Variants in DPP6 observed in about 807,000 individuals in gnomAD.
The protein encoded by DPP6 is dipeptidyl peptidase like 6, also known as A-type potassium channel modulatory protein DPP6.
A neutral mutation model predicts 122.6 loss-of-function variants in DPP6; 69 were observed. The observed-to-expected ratio is 0.56, with a 90% confidence interval of 0.46 to 0.69. The LOEUF is 0.69. DPP6 is among the 30% of genes least tolerant of loss of function. DPP6 has a pLI of 0.00. For missense variants in DPP6, 928 were observed against 1,116.9 expected (o/e 0.83, Z 2.41); for synonymous variants, 418 against 433.1 (o/e 0.97, Z 0.43).
chr7:153,935,051 C>A (rs1156320237), intron 1 of DPP6, among the ~76,000 whole-genome samples: 1 of 152,132 alleles, frequency 6.6e-6, no homozygotes, highest in Non-Finnish European at 1.5e-5. Flanking sequence ...AGGGACCAGC[C>A]CCAGGGATGG....
At chr7:153,818,953 C>T in the DPP6 span, among the ~76,000 whole-genome samples, 2 of 150,752 alleles carry the variant, frequency 1.3e-5, no homozygotes, top group Non-Finnish European at 2.9e-5. Context: ...GGTTTCACCA[C>T]GTTGGCAAGG....
chr7:154,170,062 C>G (rs1439552538), intron 1 of DPP6, among the ~76,000 whole-genome samples: 1 of 152,142 alleles, frequency 6.6e-6, no homozygotes, highest in Non-Finnish European at 1.5e-5. Context: ...AGATATCACA[C>G]CATGAGCTCT....
intron 2 of DPP6, among the ~76,000 whole-genome samples, chr7:154,452,887 G>A (rs1034006154): frequency 5.3e-5 from 8 of 152,106 alleles, no homozygotes; most frequent in African/African-American, 1.9e-4. Context: ...AGTTCCAAAG[G>A]GATTTACCAA....
chr7:154,516,509 A>G (rs1353952491), intron 3 of DPP6, among the ~76,000 whole-genome samples: 3 of 152,178 alleles, frequency 2.0e-5, no homozygotes, highest in Non-Finnish European at 4.4e-5. Context: ...AAAGACATAT[A>G]TTATACACAC....
chr7:154,334,038 GTTATT>G (rs1048529949), intron 1 of DPP6, among the ~76,000 whole-genome samples: 13 of 152,162 alleles, frequency 8.5e-5, no homozygotes, highest in Admixed American at 7.8e-4. Context: ...TTTCAGCTTT[GTTATT>G]TTATTATGTG....
intron 1 of DPP6, among the ~76,000 whole-genome samples, chr7:154,336,121 T>G (rs868360114): frequency 1.3e-5 from 2 of 152,096 alleles, no homozygotes; most frequent in African/African-American, 4.8e-5. Context: ...TTCCTGAGCC[T>G]GCATTCCAGG....
chr7:154,886,960 G>A (rs1433255466), intron 22 of DPP6, among the ~76,000 whole-genome samples: 3 of 152,222 alleles, frequency 2.0e-5, no homozygotes, highest in East Asian at 3.8e-4. Flanking sequence ...TCAGGAATGC[G>A]GGTGCCACCT....
At chr7:154,786,289 G>C (rs1409835451) in intron 10 of DPP6, among the ~76,000 whole-genome samples, 1 of 152,108 alleles carries the variant, frequency 6.6e-6, no homozygotes. Flanking sequence ...AAAGCTAGAG[G>C]GTATAGCTCC....
At chr7:154,507,858 A>G (rs760803399) in intron 3 of DPP6, among the ~76,000 whole-genome samples, 17 of 152,170 alleles carry the variant, frequency 1.1e-4, no homozygotes, top group Non-Finnish European at 1.9e-4. Context: ...AGAATGTTCT[A>G]TGCTTGGGTT....
intron 6 of DPP6, among the ~76,000 whole-genome samples, chr7:154,664,406 A>G (rs923586291): frequency 1.3e-4 from 20 of 152,378 alleles, no homozygotes; most frequent in South Asian, 1.2e-3. Flanking sequence ...ACTGAAAATC[A>G]TAATCTAACA....
At chr7:154,057,237 C>T (rs564820091) in intron 1 of DPP6, among the ~76,000 whole-genome samples, 3,851 of 149,278 alleles carry the variant, frequency 0.026, 200 homozygotes, top group African/African-American at 0.093. Flanking sequence ...AAAAAGCTGA[C>T]TCTTGGGCAA....
chr7:153,762,513 A>G, the DPP6 span, among the ~76,000 whole-genome samples: 8 of 152,146 alleles, frequency 5.3e-5, no homozygotes, highest in African/African-American at 1.7e-4. Context: ...GCTCACGCCT[A>G]TAATTCCAGC....
rs774942166 is a variant in DPP6 at position 154,880,913 on chromosome 7, G to C, written c.2104G>C (p.Asp702His). ...GACGATGCTGAAGGAGCAGTACATT[G>C]ACAGGACGCGCGTGGCCGTGTTTGG... is the stretch of plus-strand genomic sequence containing the variant. ...VRTMLKEQYI[D>H]RTRVAVFGKD... Residue 702 changes from aspartate to histidine, a missense_variant, in exon 21 of 26, where the codon GAC (aspartate) becomes CAC (histidine). By Grantham distance (81) the Asp-to-His change is moderately conservative. Coordinates refer to ENST00000377770, the MANE Select transcript of DPP6 (RefSeq NM_130797.4). 6.2e-7 allele frequency: 1 copy of C among 1,613,958 alleles called. No individual in the cohort carries two copies. The highest frequency in any genetic ancestry group is 8.5e-7 in the Non-Finnish European group (1 of 1,179,896).
At chr7:153,852,999 T>G in the DPP6 span, among the ~76,000 whole-genome samples, 1 of 152,316 alleles carries the variant, frequency 6.6e-6, no homozygotes, top group South Asian at 2.1e-4. Context: ...TATCTCCTGG[T>G]CAACCCCAGC....
intron 5 of DPP6, among the ~76,000 whole-genome samples, chr7:154,575,216 TGTGGTGTG>T (rs1831490193): frequency 1.6e-5 from 2 of 121,702 alleles, no homozygotes; most frequent in Admixed American, 8.7e-5. Context: ...GTGGTGTGTG[TGTGGTGTG>T]GTGTGTGTGT....
intron 1 of DPP6, among the ~76,000 whole-genome samples, chr7:154,033,720 A>G (rs1197798526): frequency 1.3e-5 from 2 of 152,208 alleles, no homozygotes; most frequent in Non-Finnish European, 2.9e-5. Context: ...TTTTCTAGAA[A>G]AGAAGAGGAC....
the DPP6 span, among the ~76,000 whole-genome samples, chr7:153,829,115 CA>C: frequency 6.6e-6 from 1 of 152,174 alleles, no homozygotes; most frequent in African/African-American, 2.4e-5. Flanking sequence ...CAATATTTTG[CA>C]ATTTGGGAGG....
intron 8 of DPP6, among the ~76,000 whole-genome samples, chr7:154,734,864 G>T (rs562287270): frequency 1.2e-3 from 182 of 152,274 alleles, no homozygotes; most frequent in African/African-American, 4.1e-3. Flanking sequence ...GCTCCATAAG[G>T]TCACAGAGGA....
chr7:154,296,298 C>T (rs1031879717), intron 1 of DPP6, among the ~76,000 whole-genome samples: 12 of 152,120 alleles, frequency 7.9e-5, no homozygotes, highest in Non-Finnish European at 1.2e-4. Context: ...GTCTGTTCCA[C>T]AAGGATGGAC....
Sources: gnomAD v4.1 joint callset for allele counts (sites outside exome capture counted in the v4.1 genomes callset) on GRCh38, gnomAD v4.1.1 for gene constraint, MANE v1.5 for transcripts, NCBI Gene and HGNC (gene_info 2026-07-23, HGNC 2026-07-21) for gene names.